SPOCK1: variants seen among roughly 807,000 people sequenced by gnomAD.
SPOCK1 encodes the protein testican-1.
Under a neutral mutation model 55.3 loss-of-function variants are expected in SPOCK1, and 23 were observed. The ratio of observed to expected loss-of-function variants is 0.42; its 90% CI spans 0.30 to 0.59. The LOEUF (loss-of-function observed/expected upper bound fraction) is 0.59. Among genes scored for constraint, SPOCK1 ranks in the 20% least tolerant of loss-of-function variants. SPOCK1 has a pLI of 0.22. For synonymous variants in SPOCK1, 226 were observed against 221.0 expected, an observed-to-expected ratio of 1.02 and a Z score of -0.20; for missense variants, 499 against 552.5, an observed-to-expected ratio of 0.90 and a Z score of 0.97.
chr5:137,419,790 T>C (rs1752443061), intron 2 of SPOCK1, among the ~76,000 whole-genome samples: 1 of 152,232 alleles, frequency 6.6e-6, no homozygotes, highest in South Asian at 2.1e-4. Flanking sequence ...GATTACCCTT[T>C]ATTTCCTTCT....
At chr5:137,218,375 C>T (rs1342228342) in intron 3 of SPOCK1, among the ~76,000 whole-genome samples, 1 of 152,248 alleles carries the variant, frequency 6.6e-6, no homozygotes, top group Non-Finnish European at 1.5e-5. Context: ...CCAGAGGAGA[C>T]TGCTCTAAAT....
intron 2 of SPOCK1, among the ~76,000 whole-genome samples, chr5:137,461,438 T>C (rs1459629580): frequency 6.6e-6 from 1 of 152,222 alleles, no homozygotes; most frequent in Non-Finnish European, 1.5e-5. Flanking sequence ...TGAGAAAGGA[T>C]ACTTCCAGAA....
chr5:137,371,284 C>T (rs1751195856), intron 2 of SPOCK1, among the ~76,000 whole-genome samples: 1 of 152,248 alleles, frequency 6.6e-6, no homozygotes, highest in Admixed American at 6.5e-5. Flanking sequence ...CTGCTTCCCT[C>T]CACTTAAACT....
At chr5:137,070,901 A>C (rs1199989512) in intron 5 of SPOCK1, among the ~76,000 whole-genome samples, 1 of 152,240 alleles carries the variant, frequency 6.6e-6, no homozygotes, top group African/African-American at 2.4e-5. Context: ...CACCAGAGAA[A>C]ACAGTACTTA....
chr5:137,054,003 C>T (rs1752256264), intron 6 of SPOCK1, among the ~76,000 whole-genome samples: 1 of 151,964 alleles, frequency 6.6e-6, no homozygotes, highest in South Asian at 2.1e-4. Flanking sequence ...ATTCCAAGGT[C>T]TTTTGGAAGG....
intron 5 of SPOCK1, among the ~76,000 whole-genome samples, chr5:137,089,264 C>G (rs1038557458): frequency 9.2e-5 from 14 of 152,214 alleles, no homozygotes; most frequent in African/African-American, 3.4e-4. Context: ...ACAACAACAA[C>G]AAAACTTCAG....
At chr5:136,989,064 CA>C (rs1750898841) in intron 7 of SPOCK1, among the ~76,000 whole-genome samples, 2 of 152,136 alleles carry the variant, frequency 1.3e-5, no homozygotes, top group Non-Finnish European at 2.9e-5. Context: ...AAAAGGATAG[CA>C]GTGAAATGAA....
intron 4 of SPOCK1, among the ~76,000 whole-genome samples, chr5:137,134,588 G>T (rs1753946120): frequency 6.6e-6 from 1 of 152,230 alleles, no homozygotes; most frequent in Non-Finnish European, 1.5e-5. Flanking sequence ...AGTAATGAAT[G>T]TGGGCACAAT....
At chr5:137,169,262 T>C (rs1211752040) in intron 3 of SPOCK1, among the ~76,000 whole-genome samples, 1 of 152,110 alleles carries the variant, frequency 6.6e-6, no homozygotes, top group Non-Finnish European at 1.5e-5. Context: ...GAATAAGACC[T>C]AATATTTGCT....
At chr5:137,369,011 A>C (rs1751139390) in intron 2 of SPOCK1, among the ~76,000 whole-genome samples, 2 of 152,200 alleles carry the variant, frequency 1.3e-5, no homozygotes, top group African/African-American at 4.8e-5. Context: ...GCAGGCTTTA[A>C]CTCGTTCTTT....
intron 3 of SPOCK1, among the ~76,000 whole-genome samples, chr5:137,264,279 A>C (rs1756804517): frequency 6.6e-6 from 1 of 152,134 alleles, no homozygotes; most frequent in Admixed American, 6.5e-5. Context: ...AATTCTCTAA[A>C]ATACTGCCCT....
intron 2 of SPOCK1, among the ~76,000 whole-genome samples, chr5:137,436,742 T>A (rs1752873352): frequency 6.6e-6 from 1 of 152,198 alleles, no homozygotes; most frequent in Non-Finnish European, 1.5e-5. Flanking sequence ...TGGCAGCACA[T>A]ATCTCCCTTT....
chr5:137,305,264 C>T (rs1757682557), intron 2 of SPOCK1, among the ~76,000 whole-genome samples: 1 of 152,174 alleles, frequency 6.6e-6, no homozygotes, highest in Non-Finnish European at 1.5e-5. Flanking sequence ...TGGGTGTTTG[C>T]CTGAAGGCAG....
At chr5:137,337,583 A>T (rs1750308403) in intron 2 of SPOCK1, among the ~76,000 whole-genome samples, 1 of 152,232 alleles carries the variant, frequency 6.6e-6, no homozygotes. Flanking sequence ...AACTCAAGTT[A>T]CAGGATCAGA....
chr5:137,142,373 C>T (rs1394996766), intron 3 of SPOCK1, among the ~76,000 whole-genome samples: 8 of 152,224 alleles, frequency 5.3e-5, no homozygotes, highest in Non-Finnish European at 7.3e-5. Flanking sequence ...CTGCGAATTT[C>T]TCAAGGGTCC....
intron 1 of SPOCK1, 93 bp from the exon 2 acceptor site, chr5:137,498,651 G>C (rs1754362215): frequency 4.6e-6 from 5 of 1,096,474 alleles, no homozygotes; most frequent in Admixed American, 9.4e-5. Context: ...GCCCGGAGGC[G>C]GGGACCCCGC....
At chr5:137,026,089 T>G (rs537871514) in intron 6 of SPOCK1, among the ~76,000 whole-genome samples, 3 of 152,350 alleles carry the variant, frequency 2.0e-5, no homozygotes, top group African/African-American at 7.2e-5. Flanking sequence ...TCTATATACC[T>G]GAGGTCATCT....
At chr5:137,482,091 A>T (rs560771409) in intron 2 of SPOCK1, among the ~76,000 whole-genome samples, 1 of 152,262 alleles carries the variant, frequency 6.6e-6, no homozygotes, top group South Asian at 2.1e-4. Context: ...GGGGATAGAA[A>T]TTGGGAGGAT....
intron 5 of SPOCK1, 144 bp from the exon 6 acceptor site, chr5:137,067,973 C>T (rs577954778): frequency 1.3e-4 from 79 of 607,900 alleles, no homozygotes; most frequent in South Asian, 1.2e-3. Context: ...GTCTCAATTA[C>T]AGAATACTAA....
Sources: allele counts gnomAD v4.1 joint callset (sites outside exome capture counted in the v4.1 genomes callset), GRCh38; gene constraint gnomAD v4.1.1; transcripts MANE v1.5; gene names NCBI Gene and HGNC (gene_info 2026-07-23, HGNC 2026-07-21).